The following SEMA3D variants were observed in gnomAD, a reference collection of about 807,000 sequenced individuals.
The protein encoded by SEMA3D is semaphorin 3D.
In SEMA3D, 84 loss-of-function variants were observed where a neutral mutation model predicts 100.1. The ratio of observed to expected loss-of-function variants is 0.84; its 90% CI spans 0.70 to 1.01. SEMA3D has a LOEUF of 1.01. SEMA3D is among the 50% of genes least tolerant of loss of function. The probability of loss-of-function intolerance (pLI) is 0.00; values close to 1 mark genes in which losing one functional copy is unlikely to be tolerated. For missense variants in SEMA3D, 875 were observed against 934.1 expected, an observed-to-expected ratio of 0.94 and a Z score of 0.82; for synonymous variants, 312 against 320.7, an observed-to-expected ratio of 0.97 and a Z score of 0.29.
Position 84,997,903 on chromosome 7 carries a change from G to A in SEMA3D, c.*1537C>T, listed in dbSNP as rs938496429. ...AGGTGAGTTCTGCTTAAACAGACAGGAAACACACCATGCATATTCAGAGGG... is the reference window on the plus strand; with the variant it reads ...AGGTGAGTTCTGCTTAAACAGACAGAAAACACACCATGCATATTCAGAGGG... On this transcript the variant is annotated 3_prime_UTR_variant, in exon 19 of 19. Transcript: ENST00000284136. The A allele has an allele frequency of 6.6e-6, 1 of 152,108 alleles. No homozygotes were observed. The highest frequency in any genetic ancestry group is 2.4e-5 in the African/African-American group (1 of 41,426). The allele number at this position is 152,108 out of a possible 1,614,324, so 9.4% of individuals were successfully genotyped here.
intron 2 of SEMA3D, among the ~76,000 whole-genome samples, chr7:85,145,786 C>T (rs541681998): frequency 1.3e-5 from 2 of 152,248 alleles, no homozygotes; most frequent in South Asian, 2.1e-4. Flanking sequence ...CAAGATCCTT[C>T]TTGGATACCA....
chr7:85,122,805 C>T, intron 2 of SEMA3D, among the ~76,000 whole-genome samples: 1 of 152,024 alleles, frequency 6.6e-6, no homozygotes, highest in East Asian at 1.9e-4. Flanking sequence ...AATAGAAAAA[C>T]AAATTCCAAA....
At chr7:85,212,325 C>T in the SEMA3D span, among the ~76,000 whole-genome samples, 1 of 152,082 alleles carries the variant, frequency 6.6e-6, no homozygotes. Context: ...ATTTTGTTAC[C>T]TGCTTCTGAT....
intron 2 of SEMA3D, among the ~76,000 whole-genome samples, chr7:85,128,140 T>A (rs1323777240): frequency 1.3e-5 from 2 of 151,596 alleles, no homozygotes. Context: ...TAACTATGTT[T>A]TTATTTATTT....
chr7:85,227,321 T>C, the SEMA3D span, among the ~76,000 whole-genome samples: 41 of 152,272 alleles, frequency 2.7e-4, no homozygotes, highest in African/African-American at 9.9e-4. Flanking sequence ...ACCAATGTCA[T>C]GTTAGGAGAT....
intron 2 of SEMA3D, among the ~76,000 whole-genome samples, chr7:85,135,565 T>C (rs946602222): frequency 5.3e-5 from 8 of 151,512 alleles, no homozygotes; most frequent in African/African-American, 1.9e-4. Flanking sequence ...AAATGATGAG[T>C]TAATGGGTGC....
At chr7:85,109,850 T>A (rs1054130156) in intron 3 of SEMA3D, among the ~76,000 whole-genome samples, 1 of 151,962 alleles carries the variant, frequency 6.6e-6, no homozygotes, top group African/African-American at 2.4e-5. Context: ...AATGAGCAGT[T>A]GCACATAAAA....
At chr7:85,166,937 G>A (rs888312295) in intron 1 of SEMA3D, among the ~76,000 whole-genome samples, 1 of 151,948 alleles carries the variant, frequency 6.6e-6, no homozygotes, top group Non-Finnish European at 1.5e-5. Context: ...TATAGCCAAA[G>A]CAACTGATCA....
Position 85,065,515 on chromosome 7 carries a change from A to G in SEMA3D, c.627T>C (p.Leu209=). ...ATCGAGTGAATGCAGTATCTTTGCC[A>G]AGGAAATCAGAAGCTGTTCCAGAGT... is the stretch of plus-strand genomic sequence containing the variant. The part of the protein sequence containing the change: ...YLYSGTASDF[L]GKDTAFTRSL... The change falls in exon 8 of 19, where the codon CTT becomes CTC. Residue 209 remains leucine (L), a synonymous_variant. Transcript: ENST00000284136. 1 of 1,613,220 alleles carries G rather than the reference A, an allele frequency of 6.2e-7. No homozygotes were observed. The highest frequency in any genetic ancestry group is 8.5e-7 in the Non-Finnish European group (1 of 1,179,294).
chr7:85,007,999 T>G (rs975969200), intron 17 of SEMA3D, among the ~76,000 whole-genome samples: 1 of 151,820 alleles, frequency 6.6e-6, no homozygotes, highest in Non-Finnish European at 1.5e-5. Flanking sequence ...ATTAACCTCA[T>G]CTAACCTTCA....
intron 3 of SEMA3D, among the ~76,000 whole-genome samples, chr7:85,104,936 C>A (rs1391534095): frequency 1.3e-5 from 2 of 151,968 alleles, no homozygotes; most frequent in East Asian, 3.9e-4. Flanking sequence ...AATTCCTCAG[C>A]AGAGAAACTT....
intron 12 of SEMA3D, among the ~76,000 whole-genome samples, chr7:85,030,769 TC>T (rs1225759898): frequency 1.3e-5 from 2 of 152,060 alleles, no homozygotes; most frequent in Non-Finnish European, 2.9e-5. Context: ...TTGGAAATTT[TC>T]TGCCTTTACA....
At chr7:85,121,330 AGTTGAGAACTTGAAG>A (rs1789407212) in intron 3 of SEMA3D, among the ~76,000 whole-genome samples, 1 of 152,200 alleles carries the variant, frequency 6.6e-6, no homozygotes, top group African/African-American at 2.4e-5. Context: ...GTACATATAT[AGTTGAGAACTTGAAG>A]CTATCCTGCT....
chr7:85,167,878 T>G (rs980690194), intron 1 of SEMA3D, among the ~76,000 whole-genome samples: 1 of 151,878 alleles, frequency 6.6e-6, no homozygotes, highest in Non-Finnish European at 1.5e-5. Context: ...GAAAGCATGA[T>G]ATTGTGTAAA....
intron 9 of SEMA3D, among the ~76,000 whole-genome samples, chr7:85,046,505 A>G (rs1294654226): frequency 6.6e-6 from 1 of 152,010 alleles, no homozygotes; most frequent in Non-Finnish European, 1.5e-5. Flanking sequence ...AAACAAAACA[A>G]AAAAATCCAA....
chr7:85,022,788 A>T (rs549113407), intron 12 of SEMA3D, among the ~76,000 whole-genome samples, 175 bp from the exon 13 acceptor site: 1 of 152,070 alleles, frequency 6.6e-6, no homozygotes, highest in African/African-American at 2.4e-5. Context: ...TAATAAATTT[A>T]AACCCAGTTT....
chr7:85,022,524 C>G lies in SEMA3D; in HGVS notation c.1281G>C (p.Met427Ile). ...CTGCAACTGGGTATACGGACTTATA[C>G]ATCACAGAGTGCCGCTTTATGAAAC... The part of the protein sequence containing the change: ...VISFIKRHSV[M>I]YKSVYPVAGG... The change falls in exon 13 of 19, where the codon ATG (methionine) becomes ATC (isoleucine). Residue 427 changes from methionine (M) to isoleucine (I), a missense_variant. Transcript: ENST00000284136. 2.5e-6 allele frequency: 4 copies of G among 1,612,452 alleles called. No homozygotes were observed. The highest frequency in any genetic ancestry group is 3.4e-6 in the Non-Finnish European group (4 of 1,178,882).
At chr7:85,018,907 A>C (rs1299616592) in intron 14 of SEMA3D, among the ~76,000 whole-genome samples, 2 of 151,764 alleles carry the variant, frequency 1.3e-5, no homozygotes, top group African/African-American at 2.4e-5. Context: ...AAGATGGCTT[A>C]AAAAATTTTC....
At chr7:85,129,431 T>A (rs948376639) in intron 2 of SEMA3D, among the ~76,000 whole-genome samples, 1 of 152,130 alleles carries the variant, frequency 6.6e-6, no homozygotes, top group Non-Finnish European at 1.5e-5. Context: ...AAATTAGTTA[T>A]GTCAAAGGAG....
Sources: gnomAD v4.1 joint callset for allele counts (sites outside exome capture counted in the v4.1 genomes callset) on GRCh38, gnomAD v4.1.1 for gene constraint, MANE v1.5 for transcripts, NCBI Gene and HGNC (gene_info 2026-07-23, HGNC 2026-07-21) for gene names.